The following ARFGEF3 variants were observed in gnomAD, a reference collection of about 807,000 sequenced individuals.
The protein encoded by ARFGEF3 is ARFGEF family member 3.
Under a neutral mutation model 221.7 loss-of-function variants are expected in ARFGEF3, and 96 were observed. The observed-to-expected ratio is 0.43, with a 90% CI of 0.37 to 0.51. The LOEUF (loss-of-function observed/expected upper bound fraction) is 0.51. Ranked by LOEUF, ARFGEF3 falls within the 20% of genes least tolerant of loss-of-function variation. The probability of loss-of-function intolerance (pLI) is 0.00; values close to 1 mark genes in which losing one functional copy is unlikely to be tolerated. For synonymous variants in ARFGEF3, 1,145 were observed against 1,126.8 expected, an observed-to-expected ratio of 1.02 and a Z score of -0.32; for missense variants, 2,410 against 2,789.9, an observed-to-expected ratio of 0.86 and a Z score of 3.07.
chr6:138,269,536 G>T (rs560668974), intron 12 of ARFGEF3, among the ~76,000 whole-genome samples: 1 of 152,170 alleles, frequency 6.6e-6, no homozygotes, highest in Non-Finnish European at 1.5e-5. Context: ...ACGGCCTGGC[G>T]CTGTGGCTCA....
At chr6:138,240,033 A>C (rs1157483594) in intron 6 of ARFGEF3, among the ~76,000 whole-genome samples, 1 of 151,840 alleles carries the variant, frequency 6.6e-6, no homozygotes, top group Non-Finnish European at 1.5e-5. Context: ...ACAAATATTG[A>C]TTTTTTTTCT....
intron 10 of ARFGEF3, 83 bp from the exon 11 acceptor site, chr6:138,261,444 G>GT (rs571549594): frequency 7.7e-6 from 6 of 776,380 alleles, no homozygotes; most frequent in South Asian, 3.8e-5. Flanking sequence ...GAAAGTACAT[G>GT]TTTTTTTGAT....
chr6:138,259,867 T>G (rs1287169885), intron 10 of ARFGEF3, among the ~76,000 whole-genome samples: 4 of 152,096 alleles, frequency 2.6e-5, no homozygotes, highest in Admixed American at 6.5e-5. Context: ...TGAGCCAAGA[T>G]TGTGCTGCTG....
chr6:138,273,096 A>G (rs1422403348), intron 12 of ARFGEF3, among the ~76,000 whole-genome samples: 1 of 152,216 alleles, frequency 6.6e-6, no homozygotes, highest in Non-Finnish European at 1.5e-5. Flanking sequence ...ATTTTTAGAA[A>G]ACGTCAAGTT....
intron 5 of ARFGEF3, among the ~76,000 whole-genome samples, chr6:138,238,131 C>T (rs372260718): frequency 3.3e-5 from 5 of 152,212 alleles, no homozygotes; most frequent in Admixed American, 6.5e-5. Flanking sequence ...TCCCACACTG[C>T]ACAACCTGGG....
chr6:138,338,432 G>T lies in ARFGEF3; in HGVS notation c.*1946G>T, dbSNP rs1780371476. On this transcript the variant is annotated 3_prime_UTR_variant, in exon 34 of 34. Coordinates refer to ENST00000251691, the MANE Select transcript of ARFGEF3 (RefSeq NM_020340.5). ...GGGGAAAAGGCTTCAGTAAAGCAGA[G>T]GCTAGAATTACAGTATTTATACATA... 1.3e-5 allele frequency: 2 copies of T among 152,144 alleles called. No homozygotes were observed. The highest frequency in any genetic ancestry group is 4.8e-5 in the African/African-American group (2 of 41,426). The allele number at this position is 152,144 out of a possible 1,614,324, so 9.4% of individuals were successfully genotyped here.
At chr6:138,246,215 A>G (rs1379515027) in intron 8 of ARFGEF3, among the ~76,000 whole-genome samples, 1 of 152,104 alleles carries the variant, frequency 6.6e-6, no homozygotes, top group Non-Finnish European at 1.5e-5. Context: ...GCCAAATCAT[A>G]AAACACCAGA....
chr6:138,330,099 G>A (rs1780199031), intron 32 of ARFGEF3, among the ~76,000 whole-genome samples: 1 of 152,112 alleles, frequency 6.6e-6, no homozygotes, highest in South Asian at 2.1e-4. Context: ...GGCAGGAACA[G>A]GCCATTTTCA....
chr6:138,219,909 G>T (rs1193623832), intron 4 of ARFGEF3, among the ~76,000 whole-genome samples: 1 of 152,154 alleles, frequency 6.6e-6, no homozygotes, highest in East Asian at 1.9e-4. Flanking sequence ...CCATCATGTT[G>T]ACTGATTCTT....
intron 26 of ARFGEF3, among the ~76,000 whole-genome samples, chr6:138,314,922 C>G (rs907716745): frequency 6.6e-6 from 1 of 152,224 alleles, no homozygotes; most frequent in Non-Finnish European, 1.5e-5. Flanking sequence ...CCAAAAACAT[C>G]ACTTTACAAT....
intron 7 of ARFGEF3, 85 bp downstream of exon 7, chr6:138,243,079 T>C (rs1408548345): frequency 1.4e-5 from 15 of 1,056,486 alleles, no homozygotes; most frequent in Middle Eastern, 2.0e-4. Flanking sequence ...GGTACAAAGA[T>C]GTCTAGGAGC....
Position 138,307,410 on chromosome 6 carries a change from G to A in ARFGEF3, c.3973+13G>A. 6.2e-7 allele frequency: 1 copy of A among 1,609,742 alleles called. No homozygotes were observed. Among genetic ancestry groups the A allele is most frequent in the Non-Finnish European group, 8.5e-7 (1 of 1,176,694 alleles). On this transcript the variant is annotated intron_variant, in intron 23 of 33. Transcript: ENST00000251691. ...GACTACTCCATGGGTAAGAATGTTT[G>A]GATGATTCTTGCTATTCAGCATTAA...
chr6:138,317,632 G>A (rs1330244009), intron 27 of ARFGEF3, among the ~76,000 whole-genome samples: 1 of 152,188 alleles, frequency 6.6e-6, no homozygotes, highest in Non-Finnish European at 1.5e-5. Context: ...ATGTGTAGGA[G>A]CTCCACATTA....
chr6:138,218,046 A>AG (rs3841283), intron 4 of ARFGEF3: 139,173 of 1,613,418 alleles, frequency 0.086, 8,837 homozygotes, highest in East Asian at 0.36. Context: ...TTCCAGACCT[A>AG]GGGTCTGAGT....
chr6:138,242,839 G>A (rs1640351490), intron 6 of ARFGEF3, 113 bp from the exon 7 acceptor site: 6 of 819,680 alleles, frequency 7.3e-6, no homozygotes, highest in Admixed American at 2.1e-5. Flanking sequence ...CAAGGTAGCC[G>A]AGCCCAGGGC....
At chr6:138,320,879 G>C (rs1372666101) in intron 28 of ARFGEF3, among the ~76,000 whole-genome samples, 1 of 152,068 alleles carries the variant, frequency 6.6e-6, no homozygotes, top group African/African-American at 2.4e-5. Flanking sequence ...TATTTCTGTA[G>C]AAGTGGATGA....
At chr6:138,264,944 C>A (rs1401210708) in intron 12 of ARFGEF3, among the ~76,000 whole-genome samples, 1 of 150,076 alleles carries the variant, frequency 6.7e-6, no homozygotes, top group Non-Finnish European at 1.5e-5. Flanking sequence ...CACTCTGTCA[C>A]CCAGGCTGGA....
intron 22 of ARFGEF3, among the ~76,000 whole-genome samples, chr6:138,303,369 C>A (rs1779660016): frequency 6.6e-6 from 1 of 152,090 alleles, no homozygotes; most frequent in Non-Finnish European, 1.5e-5. Flanking sequence ...AAACATATAG[C>A]AAATGCCAGA....
rs1262759097 is a variant in ARFGEF3 at position 138,340,337 on chromosome 6, T to A, written c.*3851T>A. On this transcript the variant is annotated 3_prime_UTR_variant, in exon 34 of 34. Coordinates refer to ENST00000251691, the MANE Select transcript of ARFGEF3 (RefSeq NM_020340.5). ...TGATCATTAGGCTTTTTGTCCTTGTTGTTTTAAAATGAGGCTTATACAGAG... is the reference window on the plus strand; with the variant it reads ...TGATCATTAGGCTTTTTGTCCTTGTAGTTTTAAAATGAGGCTTATACAGAG... The A allele has an allele frequency of 1.3e-5, 2 of 152,248 alleles. No individual in the cohort carries two copies. The highest frequency in any genetic ancestry group is 2.4e-5 in the African/African-American group (1 of 41,466). The allele number at this position is 152,248 out of a possible 1,614,324, so 9.4% of individuals were successfully genotyped here. A position where few individuals can be genotyped will look rare whatever the true frequency, so the allele number is the denominator to read the frequency against.
Sources: allele counts gnomAD v4.1 joint callset (sites outside exome capture counted in the v4.1 genomes callset), GRCh38; gene constraint gnomAD v4.1.1; transcripts MANE v1.5; gene names NCBI Gene and HGNC (gene_info 2026-07-23, HGNC 2026-07-21).